Variants in CLASP1 observed in about 807,000 individuals in gnomAD.
CLASP1 encodes the protein CLIP-associating protein 1.
CLASP1 carries 38 observed loss-of-function variants against 192.3 expected under a neutral mutation model. The ratio of observed to expected loss-of-function variants is 0.20; its 90% confidence interval spans 0.15 to 0.26. The LOEUF is 0.26. CLASP1 is among the 10% of genes least tolerant of loss of function. The pLI is 1.00. For synonymous variants in CLASP1, 691 were observed against 712.8 expected (o/e 0.97, Z 0.49); for missense variants, 1,433 against 1,932.5 (o/e 0.74, Z 4.85).
intron 2 of CLASP1, among the ~76,000 whole-genome samples, chr2:121,565,315 T>C (rs1332455187): frequency 6.6e-6 from 1 of 152,192 alleles, no homozygotes; most frequent in African/African-American, 2.4e-5. Flanking sequence ...TCAGTAAACA[T>C]GCAGAATAAC....
At chr2:121,621,960 G>A (rs2067439198) in intron 1 of CLASP1, among the ~76,000 whole-genome samples, 1 of 152,002 alleles carries the variant, frequency 6.6e-6, no homozygotes, top group South Asian at 2.1e-4. Flanking sequence ...CAATCCTCCT[G>A]CCTCAGCCTC....
At chr2:121,516,062 T>C (rs1172627621) in intron 6 of CLASP1, among the ~76,000 whole-genome samples, 1 of 152,204 alleles carries the variant, frequency 6.6e-6, no homozygotes, top group Non-Finnish European at 1.5e-5. Flanking sequence ...TTTCAGACCA[T>C]CTTTCCAAAT....
At position 121,417,522 on chromosome 2, in the gene CLASP1, G is replaced by T. The variant is rs527938208; in HGVS notation, c.2320+1100C>A. On this transcript the variant is annotated intron_variant, in intron 23 of 39. Transcript: ENST00000263710. ...CTGCTGTAATGCTTCAGACTGCTGT[G>T]GAATAGGTGACATGCAATAGGTAAG... 7.9e-5 allele frequency among the ~76,000 whole-genome samples: 12 copies of T among 152,168 alleles called. No individual in the cohort carries two copies. The East Asian group carries it at 2.3e-3, about 29-fold the overall frequency.
At chr2:121,374,873 A>G (rs2069635874) in intron 34 of CLASP1, among the ~76,000 whole-genome samples, 1 of 152,202 alleles carries the variant, frequency 6.6e-6, no homozygotes, top group Admixed American at 6.5e-5. Context: ...ACAGGCTCAT[A>G]GGCGGAAGGG....
At chr2:121,482,454 G>C (rs570242927) in intron 8 of CLASP1, among the ~76,000 whole-genome samples, 1 of 152,254 alleles carries the variant, frequency 6.6e-6, no homozygotes, top group Non-Finnish European at 1.5e-5. Context: ...TCAGAGAAAA[G>C]AACTTACAGC....
intron 8 of CLASP1, among the ~76,000 whole-genome samples, chr2:121,502,845 G>C (rs150655791): frequency 1.2e-4 from 19 of 152,304 alleles, no homozygotes; most frequent in African/African-American, 3.8e-4. Flanking sequence ...GTTTAGGAGG[G>C]AAACACAAGA....
At chr2:121,434,980 T>C (rs1480507597) in intron 19 of CLASP1, among the ~76,000 whole-genome samples, 1 of 152,070 alleles carries the variant, frequency 6.6e-6, no homozygotes, top group Non-Finnish European at 1.5e-5. Flanking sequence ...CTTCTACTGA[T>C]CCTTTGTCTT....
intron 1 of CLASP1, among the ~76,000 whole-genome samples, chr2:121,645,482 A>G (rs938902821): frequency 1.3e-5 from 2 of 152,216 alleles, no homozygotes; most frequent in East Asian, 1.9e-4. Context: ...AGCTCAAATT[A>G]TATTAGTCTA....
At chr2:121,493,665 AT>A (rs751127643) in intron 8 of CLASP1, among the ~76,000 whole-genome samples, 1 of 152,200 alleles carries the variant, frequency 6.6e-6, no homozygotes, top group Non-Finnish European at 1.5e-5. Context: ...AACCCACAAA[AT>A]GCAAGAAAAT....
At chr2:121,362,131 C>G (rs2066533676) in intron 37 of CLASP1, among the ~76,000 whole-genome samples, 1 of 152,254 alleles carries the variant, frequency 6.6e-6, no homozygotes, top group Non-Finnish European at 1.5e-5. Context: ...ACGACAGTCA[C>G]ACATGAGCCA....
Position 121,391,295 on chromosome 2 carries a change from G to C in CLASP1, c.3124-3389C>G, listed in dbSNP as rs190491857. On this transcript the variant is annotated intron_variant, in intron 30 of 39. Transcript: ENST00000263710. ...GTTTCCTTCTCCAGGACCAGAGCAGGTTGAAGCTGACCTAGTGGGGAAATC... is the reference window on the plus strand; with the variant it reads ...GTTTCCTTCTCCAGGACCAGAGCAGCTTGAAGCTGACCTAGTGGGGAAATC... 7.7e-4 allele frequency among the ~76,000 whole-genome samples: 117 copies of C among 152,302 alleles called. 1 individual carries two copies. Among genetic ancestry groups the C allele is most frequent in the Admixed American group, 3.1e-3 (47 of 15,300 alleles).
chr2:121,619,557 G>T (rs2066993876), intron 1 of CLASP1, among the ~76,000 whole-genome samples: 1 of 151,976 alleles, frequency 6.6e-6, no homozygotes, highest in Non-Finnish European at 1.5e-5. Flanking sequence ...CAACAAAAAG[G>T]CAACTGCATT....
chr2:121,444,254 A>G (rs1306816916), intron 19 of CLASP1, among the ~76,000 whole-genome samples: 1 of 152,160 alleles, frequency 6.6e-6, no homozygotes. Flanking sequence ...GGATATGCCT[A>G]TTTCTTACAG....
At chr2:121,562,089 T>C (rs997299378) in intron 2 of CLASP1, among the ~76,000 whole-genome samples, 6 of 152,332 alleles carry the variant, frequency 3.9e-5, no homozygotes, top group African/African-American at 1.4e-4. Flanking sequence ...TTCCTACAGG[T>C]TGCAACATAA....
chr2:121,554,059 A>AAC (rs2058292934), intron 2 of CLASP1, among the ~76,000 whole-genome samples: 1 of 151,758 alleles, frequency 6.6e-6, no homozygotes, highest in Non-Finnish European at 1.5e-5. Flanking sequence ...TTAAAAAAAA[A>AAC]AAAAAACTTA....
intron 15 of CLASP1, 64 bp from the exon 16 acceptor site, chr2:121,451,054 G>A: frequency 1.8e-6 from 2 of 1,116,594 alleles, no homozygotes; most frequent in Non-Finnish European, 2.7e-6. Context: ...AGTGAAACCA[G>A]GTGGGAGAAA....
intron 33 of CLASP1, 124 bp downstream of exon 34, chr2:121,382,084 T>C: frequency 1.4e-6 from 1 of 733,368 alleles, no homozygotes. Flanking sequence ...CTACTCCTGC[T>C]ATGTGACACC....
intron 2 of CLASP1, among the ~76,000 whole-genome samples, chr2:121,579,463 C>A (rs2060902070): frequency 1.3e-5 from 2 of 152,192 alleles, no homozygotes; most frequent in Non-Finnish European, 2.9e-5. Context: ...AAACCGTTAT[C>A]CATTAGCAGC....
At chr2:121,420,384 G>C (rs187798262) in intron 22 of CLASP1, among the ~76,000 whole-genome samples, 11 of 152,258 alleles carry the variant, frequency 7.2e-5, no homozygotes, top group African/African-American at 1.2e-4. Flanking sequence ...GTGTGTACTG[G>C]CTCTACCAAT....
Sources: allele counts gnomAD v4.1 joint callset (sites outside exome capture counted in the v4.1 genomes callset), GRCh38; gene constraint gnomAD v4.1.1; transcripts MANE v1.5; gene names NCBI Gene and HGNC (gene_info 2026-07-23, HGNC 2026-07-21).